Variants in EHMT1 observed in about 807,000 individuals in gnomAD.
EHMT1 encodes euchromatic histone lysine methyltransferase 1.
Under a neutral mutation model 147.2 loss-of-function variants are expected in EHMT1, and 15 were observed. The observed-to-expected ratio is 0.10, with a 90% CI of 0.07 to 0.16. The LOEUF is 0.16. Among genes scored for constraint, EHMT1 ranks in the 10% least tolerant of loss-of-function variants. The pLI is 1.00. For synonymous variants in EHMT1, 795 were observed against 709.6 expected, an observed-to-expected ratio of 1.12 and a Z score of -1.91; for missense variants, 1,587 against 1,772.4, an observed-to-expected ratio of 0.90 and a Z score of 1.88.
intron 16 of EHMT1, among the ~76,000 whole-genome samples, chr9:137,797,213 G>A (rs1953035018): frequency 6.6e-6 from 1 of 152,150 alleles, no homozygotes; most frequent in Non-Finnish European, 1.5e-5. Flanking sequence ...TGTGCCTGCA[G>A]ACCTCACAGC....
At chr9:137,801,821 C>G (rs1466501724) in intron 18 of EHMT1, among the ~76,000 whole-genome samples, 3 of 152,062 alleles carry the variant, frequency 2.0e-5, no homozygotes, top group Non-Finnish European at 4.4e-5. Context: ...TTAGTAGAGA[C>G]AGGGTTTAGC....
At position 137,784,214 on chromosome 9, in the gene EHMT1, TC is replaced by T. The variant is rs1951784779; in HGVS notation, c.2382+1819del. On this transcript the variant is annotated intron_variant, in intron 15 of 26. Coordinates refer to ENST00000460843, the MANE Select transcript of EHMT1 (RefSeq NM_024757.5). Reference sequence around the variant, plus strand: ...AGGAACCACGCCAAGAGGAAGATGCTCCAGCACAGCCTTGCTGTGGACCAGG... The same window carrying T: ...AGGAACCACGCCAAGAGGAAGATGCTCAGCACAGCCTTGCTGTGGACCAGG... 9.7e-6 allele frequency: 15 copies of T among 1,548,740 alleles called. No homozygotes were observed. The South Asian group carries it at 1.7e-4, about 17-fold the overall frequency.
intron 1 of EHMT1, among the ~76,000 whole-genome samples, chr9:137,638,775 T>C (rs1407163224): frequency 6.6e-6 from 1 of 150,768 alleles, no homozygotes; most frequent in Non-Finnish European, 1.5e-5. Flanking sequence ...AACACAGACA[T>C]GCACAGAAGG....
intron 3 of EHMT1, among the ~76,000 whole-genome samples, chr9:137,718,111 C>T (rs184848422): frequency 1.8e-4 from 24 of 135,990 alleles, no homozygotes; most frequent in African/African-American, 4.3e-4. Context: ...CCTCACGCAC[C>T]GTGATGATTT....
chr9:137,834,337 C>CTT lies in EHMT1; in HGVS notation c.3541-11_3541-10insTT. 1 of 1,612,292 alleles carries CTT rather than the reference C, an allele frequency of 6.2e-7. No homozygotes were observed. The highest frequency in any genetic ancestry group is 8.5e-7 in the Non-Finnish European group (1 of 1,179,674). On this transcript the variant is annotated splice_polypyrimidine_tract_variant and intron_variant, in intron 25 of 26. Transcript: ENST00000460843. ...TGCTAACTGCAGCCCGTGCCGGCTT[C>CTT]TCGCCCTGCAGGACGGGGAGGTTTA...
intron 10 of EHMT1, among the ~76,000 whole-genome samples, chr9:137,768,005 T>C (rs1169926921): frequency 6.6e-6 from 1 of 152,174 alleles, no homozygotes; most frequent in Non-Finnish European, 1.5e-5. Context: ...TCCTGTTGTA[T>C]TACAGCTGCC....
Position 137,790,836 on chromosome 9 carries a change from T to C in EHMT1, c.2383-12T>C. The C allele has an allele frequency of 6.2e-7, 1 of 1,614,182 alleles. No homozygotes were observed. The highest frequency in any genetic ancestry group is 8.5e-7 in the Non-Finnish European group (1 of 1,180,028). On this transcript the variant is annotated splice_polypyrimidine_tract_variant and intron_variant, in intron 15 of 26. Coordinates refer to ENST00000460843, the MANE Select transcript of EHMT1 (RefSeq NM_024757.5). Reference sequence around the variant, plus strand: ...ACAGCCCTCCCATACACCTGAACTGTTGTTTCACTAGGCGGGCGCTAATAT... The same window carrying C: ...ACAGCCCTCCCATACACCTGAACTGCTGTTTCACTAGGCGGGCGCTAATAT...
At chr9:137,689,955 G>A (rs905333793) in intron 1 of EHMT1, among the ~76,000 whole-genome samples, 1 of 152,194 alleles carries the variant, frequency 6.6e-6, no homozygotes, top group East Asian at 1.9e-4. Flanking sequence ...CTGGTCAGTC[G>A]TGGTGAACAG....
At chr9:137,760,570 T>A (rs188608361) in intron 9 of EHMT1, among the ~76,000 whole-genome samples, 1 of 152,096 alleles carries the variant, frequency 6.6e-6, no homozygotes, top group African/African-American at 2.4e-5. Flanking sequence ...CTGCACAGAG[T>A]CCTTGACGGC....
chr9:137,628,285 C>G (rs1843397539), intron 1 of EHMT1, among the ~76,000 whole-genome samples: 1 of 152,108 alleles, frequency 6.6e-6, no homozygotes. Context: ...TCTCTGTCTT[C>G]CTATTTGTGT....
intron 5 of EHMT1, 63 bp downstream of exon 5, chr9:137,743,591 C>T (rs1948293901): frequency 6.2e-7 from 1 of 1,610,096 alleles, no homozygotes; most frequent in Non-Finnish European, 8.5e-7. Flanking sequence ...TGTTCAGGGC[C>T]TCGTTATCAG....
At chr9:137,647,382 C>G (rs1343214971) in intron 1 of EHMT1, among the ~76,000 whole-genome samples, 3 of 152,174 alleles carry the variant, frequency 2.0e-5, no homozygotes, top group Non-Finnish European at 1.5e-5. Context: ...CCCCGCAGCG[C>G]TAGACACCAT....
intron 4 of EHMT1, among the ~76,000 whole-genome samples, chr9:137,734,729 G>A (rs1017964015): frequency 2.6e-5 from 4 of 152,160 alleles, no homozygotes; most frequent in East Asian, 1.9e-4. Flanking sequence ...TCACATACAC[G>A]TTTCCTCAGT....
intron 1 of EHMT1, among the ~76,000 whole-genome samples, chr9:137,651,479 T>C (rs1937811586): frequency 6.6e-6 from 1 of 152,124 alleles, no homozygotes; most frequent in Non-Finnish European, 1.5e-5. Context: ...AAGATGATGG[T>C]CCAGTAAGAT....
chr9:137,702,763 C>A (rs976202491), intron 1 of EHMT1, among the ~76,000 whole-genome samples: 1 of 152,264 alleles, frequency 6.6e-6, no homozygotes, highest in Non-Finnish European at 1.5e-5. Context: ...CCCATCCACA[C>A]TGCCCTAGTA....
chr9:137,762,911 TG>T (rs1256490513), intron 10 of EHMT1, 91 bp downstream of exon 10: 2 of 1,562,246 alleles, frequency 1.3e-6, no homozygotes, highest in African/African-American at 2.7e-5. Context: ...TCGAGTGAGT[TG>T]TGCTGCGTGA....
intron 10 of EHMT1, among the ~76,000 whole-genome samples, chr9:137,771,453 G>A (rs1014475490): frequency 5.9e-5 from 9 of 152,078 alleles, no homozygotes; most frequent in Admixed American, 4.6e-4. Context: ...CTCCCACCTC[G>A]GGTTTACAGC....
chr9:137,784,706 G>A (rs1951821418), intron 15 of EHMT1: 1 of 153,506 alleles, frequency 6.5e-6, no homozygotes, highest in South Asian at 2.0e-4. Context: ...GGGAGCAGCT[G>A]AGTGAACTGG....
intron 1 of EHMT1, among the ~76,000 whole-genome samples, chr9:137,642,755 G>T (rs1304822918): frequency 6.6e-6 from 1 of 152,112 alleles, no homozygotes; most frequent in East Asian, 1.9e-4. Flanking sequence ...GCTGCTTTAC[G>T]CAATTGTCTT....
Sources: gnomAD v4.1 joint callset for allele counts (sites outside exome capture counted in the v4.1 genomes callset) on GRCh38, gnomAD v4.1.1 for gene constraint, MANE v1.5 for transcripts, NCBI Gene and HGNC (gene_info 2026-07-23, HGNC 2026-07-21) for gene names.